The following SBNO1 variants were observed in gnomAD, a reference collection of about 807,000 sequenced individuals.
SBNO1 encodes strawberry notch homolog 1.
In SBNO1, 23 loss-of-function variants were observed where a neutral mutation model predicts 173.6. That is an observed-to-expected ratio of 0.13 (90% CI 0.10 to 0.19). SBNO1 has a LOEUF of 0.19. Among genes scored for constraint, SBNO1 ranks in the 10% least tolerant of loss-of-function variants. SBNO1 has a pLI of 1.00. For synonymous variants in SBNO1, 632 were observed against 571.5 expected (o/e 1.11, Z -1.51); for missense variants, 1,238 against 1,671.2 (o/e 0.74, Z 4.52).
At chr12:123,359,025 C>T (rs1378509966) in intron 1 of SBNO1, among the ~76,000 whole-genome samples, 17 of 151,554 alleles carry the variant, frequency 1.1e-4, no homozygotes, top group African/African-American at 9.6e-5. Flanking sequence ...CTCTGCCTCC[C>T]GGGTTCAAGT....
intron 6 of SBNO1, among the ~76,000 whole-genome samples, chr12:123,334,884 T>A (rs1267256173): frequency 1.3e-5 from 2 of 152,128 alleles, no homozygotes; most frequent in Non-Finnish European, 2.9e-5. Flanking sequence ...AAAACAAAAG[T>A]TTGCAATACA....
rs1484376739 is a variant in SBNO1 at position 123,343,761 on chromosome 12, C to T, written c.550+1497G>A. On this transcript the variant is annotated intron_variant, in intron 4 of 31. Coordinates refer to ENST00000602398, the MANE Select transcript of SBNO1 (RefSeq NM_001167856.3). ...CCATCTTGGCCAGGCTGGTCTTGAA[C>T]TCCTGACCTCGTGATCCACCCACCT... Among the ~76,000 whole-genome samples the T allele has an allele frequency of 3.3e-5, 5 of 152,080 alleles. No individual in the cohort carries two copies. The East Asian group carries it at 7.7e-4, about 23-fold the overall frequency.
chr12:123,354,311 C>T (rs1211928195), intron 1 of SBNO1, among the ~76,000 whole-genome samples: 1 of 151,894 alleles, frequency 6.6e-6, no homozygotes, highest in Admixed American at 6.6e-5. Context: ...AATTTAAGAC[C>T]CTCTAATCTG....
intron 9 of SBNO1, 146 bp downstream of exon 9, chr12:123,330,273 T>C (rs186615278): frequency 6.5e-6 from 4 of 618,348 alleles, no homozygotes; most frequent in Non-Finnish European, 1.1e-5. Flanking sequence ...AAACCAACAA[T>C]AGTGGCTAGC....
At chr12:123,312,814 A>G (rs1318966228) in intron 24 of SBNO1, among the ~76,000 whole-genome samples, 3 of 152,112 alleles carry the variant, frequency 2.0e-5, no homozygotes, top group Admixed American at 6.6e-5. Context: ...ATTCATGGCC[A>G]ATTTTGTTTC....
At chr12:123,337,114 T>TCA (rs1477219254) in intron 5 of SBNO1, among the ~76,000 whole-genome samples, 1 of 152,184 alleles carries the variant, frequency 6.6e-6, no homozygotes, top group African/African-American at 2.4e-5. Flanking sequence ...GCAATCGTGA[T>TCA]CATATATAAG....
At position 123,328,024 on chromosome 12, in the gene SBNO1, C is replaced by G; in HGVS notation, c.1300G>C (p.Val434Leu). 6.2e-7 allele frequency: 1 copy of G among 1,607,208 alleles called. No homozygotes were observed. Among genetic ancestry groups the G allele is most frequent in the African/African-American group, 1.3e-5 (1 of 74,796 alleles). Residue 434 changes from valine to leucine, a missense_variant, in exon 11 of 32, where the codon GTG (valine) becomes CTG (leucine). Physicochemically the swap from Val to Leu is conservative, Grantham distance 32. This residue lies in a region of SBNO1 where 182 missense variants were observed against 339.9 expected (regional missense o/e 0.54). Coordinates refer to ENST00000602398, the MANE Select transcript of SBNO1 (RefSeq NM_001167856.3). ...TTGGCTTTATGACACTCATCAAACA[C>G]TATCTAAATGGAATGAGTTAAGGAA... The part of the protein sequence containing the change: ...WCGDDFDGVI[V>L]FDECHKAKNL...
At chr12:123,301,816 C>G (rs2048797605) in intron 30 of SBNO1, among the ~76,000 whole-genome samples, 1 of 152,068 alleles carries the variant, frequency 6.6e-6, no homozygotes, top group Non-Finnish European at 1.5e-5. Flanking sequence ...GAGTTTGAGG[C>G]TGCAGTGAGC....
At chr12:123,353,637 A>C (rs1431603108) in intron 1 of SBNO1, among the ~76,000 whole-genome samples, 1 of 152,208 alleles carries the variant, frequency 6.6e-6, no homozygotes, top group Non-Finnish European at 1.5e-5. Flanking sequence ...AATTTTTCTA[A>C]TATAGACACA....
chr12:123,360,969 G>A (rs1361615958), intron 1 of SBNO1, among the ~76,000 whole-genome samples: 1 of 152,100 alleles, frequency 6.6e-6, no homozygotes, highest in African/African-American at 2.4e-5. Flanking sequence ...AAATTGGCCG[G>A]GCACAGTGGC....
intron 2 of SBNO1, chr12:123,349,125 G>A (rs1432725436): frequency 6.6e-6 from 1 of 151,666 alleles, no homozygotes; most frequent in African/African-American, 2.4e-5. Flanking sequence ...TCAGAAACAA[G>A]GTCTTGCTCT....
intron 1 of SBNO1, among the ~76,000 whole-genome samples, chr12:123,357,235 T>G (rs1319380634): frequency 1.3e-5 from 2 of 150,336 alleles, no homozygotes; most frequent in African/African-American, 4.9e-5. Flanking sequence ...TCACTTGAGG[T>G]CAGGAGTTCG....
chr12:123,312,726 G>C (rs61953424), intron 24 of SBNO1, among the ~76,000 whole-genome samples: 1 of 150,468 alleles, frequency 6.6e-6, no homozygotes, highest in Non-Finnish European at 1.5e-5. Flanking sequence ...AAAAAAAAAG[G>C]ACATTTCCAA....
intron 1 of SBNO1, among the ~76,000 whole-genome samples, chr12:123,351,098 G>A (rs1297200247): frequency 2.0e-5 from 3 of 152,024 alleles, no homozygotes; most frequent in African/African-American, 7.3e-5. Context: ...CTCCAGCCTG[G>A]GTGACAGAGC....
Position 123,345,190 on chromosome 12 carries a change from C to A in SBNO1, c.550+68G>T, listed in dbSNP as rs1593400192. On this transcript the variant is annotated intron_variant, in intron 4 of 31. Transcript: ENST00000602398. ...CAGTTCTTTAAAAACCCAAGCAAAT[C>A]GTTTAAAAAAACATGCTGACATAGC... The A allele has an allele frequency of 4.5e-6, 6 of 1,329,996 alleles. No homozygotes were observed. In the East Asian group the frequency reaches 1.2e-4, roughly 26 times the overall value. 82.4% of individuals were successfully genotyped at this position (1,329,996 alleles called of 1,614,324 possible). A position where few individuals can be genotyped will look rare whatever the true frequency, so the allele number is the denominator to read the frequency against.
chr12:123,324,975 A>G (rs1223553705), intron 15 of SBNO1, among the ~76,000 whole-genome samples: 1 of 150,532 alleles, frequency 6.6e-6, no homozygotes, highest in Non-Finnish European at 1.5e-5. Flanking sequence ...ATGCCCAACT[A>G]ATTTTTTTTA....
Position 123,320,192 on chromosome 12 carries a change from T to G in SBNO1, c.2668-161A>C, listed in dbSNP as rs560944145. ...TGCAACAGAGTCCCTGGAAAAACCTTGACACATGGCCACGATCACAAAAGA... is the reference window on the plus strand; with the variant it reads ...TGCAACAGAGTCCCTGGAAAAACCTGGACACATGGCCACGATCACAAAAGA... On this transcript the variant is annotated intron_variant, in intron 19 of 31. Coordinates refer to ENST00000602398, the MANE Select transcript of SBNO1 (RefSeq NM_001167856.3). Among the ~76,000 whole-genome samples the G allele has an allele frequency of 5.9e-4, 90 of 152,284 alleles. 1 individual carries two copies. The highest frequency in any genetic ancestry group is 2.0e-3 in the African/African-American group (82 of 41,560).
intron 4 of SBNO1, among the ~76,000 whole-genome samples, chr12:123,344,523 T>C (rs1369241852): frequency 6.6e-6 from 1 of 152,186 alleles, no homozygotes; most frequent in African/African-American, 2.4e-5. Flanking sequence ...CGCCCATTCT[T>C]TTAGAATGCT....
chr12:123,302,346 G>C lies in SBNO1; in HGVS notation c.3845+478C>G, dbSNP rs368249585. Among the ~76,000 whole-genome samples, 77 of 151,506 alleles carry C rather than the reference G, an allele frequency of 5.1e-4. 2 individuals carry two copies. In the South Asian group the frequency reaches 0.014, roughly 27 times the overall value. On this transcript the variant is annotated intron_variant, in intron 30 of 31. Transcript: ENST00000602398. ...CAACTTCCACCTTCCGGGTTCAAGC[G>C]ATTCTCCTGCCTCAGCCTCCCAAGT...
Sources: allele counts gnomAD v4.1 joint callset (sites outside exome capture counted in the v4.1 genomes callset), GRCh38; gene constraint gnomAD v4.1.1; regional missense constraint gnomAD v4.1.1; transcripts MANE v1.5; gene names NCBI Gene and HGNC (gene_info 2026-07-23, HGNC 2026-07-21).